PCDHGA5: variants seen among roughly 807,000 people sequenced by gnomAD.
PCDHGA5 encodes protocadherin gamma subfamily A, 5.
PCDHGA5 carries 36 observed loss-of-function variants against 56.7 expected under a neutral mutation model. That is an observed-to-expected ratio of 0.64 (90% CI 0.49 to 0.84). The LOEUF is 0.84. Among genes scored for constraint, PCDHGA5 ranks in the 40% least tolerant of loss-of-function variants. The probability of loss-of-function intolerance (pLI) is 0.00; values close to 1 mark genes in which losing one functional copy is unlikely to be tolerated. For synonymous variants in PCDHGA5, 563 were observed against 520.2 expected (o/e 1.08, Z -1.12); for missense variants, 1,305 against 1,201.5 (o/e 1.09, Z -1.27).
Position 141,404,333 on chromosome 5 carries a change from C to T in PCDHGA5, c.2421+37582C>T, listed in dbSNP as rs181615917. On this transcript the variant is annotated intron_variant, in intron 1 of 3. Transcript: ENST00000518069. ...CTCTCAAGCCTCCTACTCAGTCTACCTCCCGGAAAACAACGCCAGAGGTAC... is the reference window on the plus strand; with the variant it reads ...CTCTCAAGCCTCCTACTCAGTCTACTTCCCGGAAAACAACGCCAGAGGTAC... The T allele has an allele frequency of 3.8e-5, 62 of 1,613,854 alleles. No homozygotes were observed. The East Asian group carries it at 8.5e-4, about 22-fold the overall frequency.
In PCDHGA5 at chr5:141,490,673, C is replaced by T; in HGVS notation, c.2422-4134C>T. ...GGCTCCCTTCTTTGCACTGTGGCTG[C>T]CTCAGATCCAGACACTGGGGATAAT... On this transcript the variant is annotated intron_variant, in intron 1 of 3. Coordinates refer to ENST00000518069, the MANE Select transcript of PCDHGA5 (RefSeq NM_018918.3). This position sits in a 1 kb window ranked among gnomAD's most constrained non-coding sequence, Gnocchi z 5.4. 1.2e-6 allele frequency: 2 copies of T among 1,614,126 alleles called. No homozygotes were observed. The highest frequency in any genetic ancestry group is 1.7e-6 in the Non-Finnish European group (2 of 1,179,952).
chr5:141,398,067 C>T, intron 1 of PCDHGA5: 1 of 1,577,626 alleles, frequency 6.3e-7, no homozygotes, highest in Non-Finnish European at 8.6e-7. Flanking sequence ...ATCTACAATA[C>T]AGAGGTTATT....
At chr5:141,382,912 C>A (rs771685139) in intron 1 of PCDHGA5, 1 of 1,552,238 alleles carries the variant, frequency 6.4e-7, no homozygotes. Flanking sequence ...GGCGGCTCAG[C>A]CGAGGGGCGG....
rs1421344823 is a variant in PCDHGA5, at chr5:141,366,519, G to A, written c.2189G>A (p.Ser730Asn). Residue 730 changes from serine to asparagine, a missense_variant, in exon 1 of 4, where the codon AGC (serine) becomes AAC (asparagine). By Grantham distance (46) the Ser-to-Asn change is conservative. Transcript: ENST00000518069. ...HKSRLLQAEGSRLAGVPASHF... is the reference protein window; with the variant it reads ...HKSRLLQAEGNRLAGVPASHF... ...TCACGCCTGCTTCAGGCTGAAGGCAGCAGGTTGGCGGGTGTGCCCGCCTCG... is the reference window on the plus strand; with the variant it reads ...TCACGCCTGCTTCAGGCTGAAGGCAACAGGTTGGCGGGTGTGCCCGCCTCG... The A allele has an allele frequency of 2.5e-6, 4 of 1,614,138 alleles. No homozygotes were observed. The highest frequency in any genetic ancestry group is 1.7e-6 in the Non-Finnish European group (2 of 1,180,050).
chr5:141,378,683 C>G (rs559332008), intron 1 of PCDHGA5: 9 of 152,254 alleles, frequency 5.9e-5, no homozygotes, highest in Admixed American at 5.9e-4. Context: ...AATATTTTAG[C>G]ATTTTAACCC....
At position 141,491,023 on chromosome 5, in the gene PCDHGA5, G is replaced by A. The variant is rs773185039; in HGVS notation, c.2422-3784G>A. 17 of 1,613,990 alleles carry A rather than the reference G, an allele frequency of 1.1e-5. No individual in the cohort carries two copies. Among genetic ancestry groups the A allele is most frequent in the Admixed American group, 5.0e-5 (3 of 60,008 alleles). ...CTCCTTGGTCACCAAGGTGACAGCC[G>A]TGGATGCTGATGCAGGCCACAATGC... On this transcript the variant is annotated intron_variant, in intron 1 of 3. Coordinates refer to ENST00000518069, the MANE Select transcript of PCDHGA5 (RefSeq NM_018918.3). The surrounding 1 kb of genome is among the most constrained non-coding windows in gnomAD (Gnocchi z 6.9).
At chr5:141,391,803 G>A (rs953210867) in intron 1 of PCDHGA5, 5 of 152,172 alleles carry the variant, frequency 3.3e-5, no homozygotes, top group African/African-American at 1.2e-4. Flanking sequence ...TTAGATCAAA[G>A]TGTTAATGTA....
chr5:141,368,944 T>G (rs1765945640), intron 1 of PCDHGA5, among the ~76,000 whole-genome samples: 5 of 152,236 alleles, frequency 3.3e-5, no homozygotes, highest in Admixed American at 3.3e-4. Context: ...TTCTGGTTAC[T>G]GTGAGTAGTT....
intron 1 of PCDHGA5, chr5:141,385,134 G>T (rs774973571): frequency 6.2e-7 from 1 of 1,614,188 alleles, no homozygotes; most frequent in East Asian, 2.2e-5. Flanking sequence ...GCATGGACGG[G>T]GTGCAGGCTT....
intron 1 of PCDHGA5, among the ~76,000 whole-genome samples, chr5:141,470,360 T>G (rs1554150725): frequency 6.6e-6 from 1 of 152,142 alleles, no homozygotes; most frequent in Non-Finnish European, 1.5e-5. Context: ...ATAGACACAT[T>G]AGGTTGAATG....
chr5:141,376,207 C>T lies in PCDHGA5; in HGVS notation c.2421+9456C>T. On this transcript the variant is annotated intron_variant, in intron 1 of 3. Coordinates refer to ENST00000518069, the MANE Select transcript of PCDHGA5 (RefSeq NM_018918.3). ...TCTCCTGCGTCTTCCTGGCCTTCGT[C>T]ATCGTGCTGCTGGCGCTCAGACTGC... 1.9e-6 allele frequency: 3 copies of T among 1,614,208 alleles called. No homozygotes were observed. The African/African-American group carries it at 4.0e-5, about 22-fold the overall frequency.
rs767577725 is a variant in PCDHGA5 at position 141,485,642 on chromosome 5, G to T, written c.2422-9165G>T. 4.3e-6 allele frequency: 7 copies of T among 1,612,162 alleles called. No homozygotes were observed. The highest frequency in any genetic ancestry group is 1.7e-5 in the Admixed American group (1 of 59,938). ...AGGACAGCGTTTCCCGTTGGAAAAGGCTCAGGATGCAGATGTGGGGAGCAA... is the reference window on the plus strand; with the variant it reads ...AGGACAGCGTTTCCCGTTGGAAAAGTCTCAGGATGCAGATGTGGGGAGCAA... On this transcript the variant is annotated intron_variant, in intron 1 of 3. Coordinates refer to ENST00000518069, the MANE Select transcript of PCDHGA5 (RefSeq NM_018918.3). This position sits in a 1 kb window ranked among gnomAD's most constrained non-coding sequence, Gnocchi z 5.7.
Position 141,484,782 on chromosome 5 carries a change from C to A in PCDHGA5, c.2422-10025C>A, listed in dbSNP as rs572593816. 2.0e-5 allele frequency among the ~76,000 whole-genome samples: 3 copies of A among 152,066 alleles called. No homozygotes were observed. In the South Asian group the frequency reaches 6.3e-4, roughly 32 times the overall value. On this transcript the variant is annotated intron_variant, in intron 1 of 3. Transcript: ENST00000518069. Reference sequence around the variant, plus strand: ...TATATATATGTTGTCTGCCTCCCCACAGAGATAACAACCCGTGGAAAAACA... The same window carrying A: ...TATATATATGTTGTCTGCCTCCCCAAAGAGATAACAACCCGTGGAAAAACA...
At chr5:141,371,589 A>C (rs754175637) in intron 1 of PCDHGA5, 1 of 1,613,602 alleles carries the variant, frequency 6.2e-7, no homozygotes, top group South Asian at 1.1e-5. Context: ...TCAAGATACC[A>C]AAAACACATA....
At chr5:141,403,171 G>C (rs542727163) in intron 1 of PCDHGA5, 1 of 1,614,042 alleles carries the variant, frequency 6.2e-7, no homozygotes, top group Admixed American at 1.7e-5. Flanking sequence ...GTAGGACGCA[G>C]CTTTTCTCTC....
chr5:141,417,892 C>G lies in PCDHGA5; in HGVS notation c.2421+51141C>G, dbSNP rs550343206. On this transcript the variant is annotated intron_variant, in intron 1 of 3. Coordinates refer to ENST00000518069, the MANE Select transcript of PCDHGA5 (RefSeq NM_018918.3). Reference sequence around the variant, plus strand: ...GGAGCTGCGCGCAGAGGCGCCGGGCCGGCCCGCGGCAGGTACTATTTCCTT... The same window carrying G: ...GGAGCTGCGCGCAGAGGCGCCGGGCGGGCCCGCGGCAGGTACTATTTCCTT... 2.2e-4 allele frequency: 348 copies of G among 1,570,774 alleles called. 2 individuals carry two copies. The South Asian group carries it at 3.7e-3, about 17-fold the overall frequency.
chr5:141,488,292 G>A (rs961688781), intron 1 of PCDHGA5, among the ~76,000 whole-genome samples: 1 of 152,216 alleles, frequency 6.6e-6, no homozygotes, highest in African/African-American at 2.4e-5. Flanking sequence ...AAAACAGTAA[G>A]TGAAATCACT....
intron 1 of PCDHGA5, among the ~76,000 whole-genome samples, chr5:141,460,577 TGTG>T (rs2098992364): frequency 6.6e-6 from 1 of 152,094 alleles, no homozygotes; most frequent in African/African-American, 2.4e-5. Context: ...CATATGTAGG[TGTG>T]GGTTTTTTCT....
chr5:141,507,495 G>A (rs375483743), intron 3 of PCDHGA5, among the ~76,000 whole-genome samples: 5 of 152,352 alleles, frequency 3.3e-5, no homozygotes, highest in East Asian at 3.9e-4. Flanking sequence ...AGGCAGAGCT[G>A]TCCCAGGTCT....
Sources: gnomAD v4.1 joint callset for allele counts (sites outside exome capture counted in the v4.1 genomes callset) on GRCh38, gnomAD v4.1.1 for gene constraint, Gnocchi (gnomAD v3.1) non-coding constraint, MANE v1.5 for transcripts, NCBI Gene and HGNC (gene_info 2026-07-23, HGNC 2026-07-21) for gene names.